The following UBAP1 variants were observed in gnomAD, a reference collection of about 807,000 sequenced individuals.
UBAP1 encodes the protein ubiquitin associated protein 1, also known as ubiquitin-associated protein 1.
In UBAP1, 5 loss-of-function variants were observed where a neutral mutation model predicts 39.0. The observed-to-expected ratio is 0.13, with a 90% CI of 0.07 to 0.27. The LOEUF (loss-of-function observed/expected upper bound fraction) is 0.27, where lower values mean the gene tolerates loss of function less well. Ranked by LOEUF, UBAP1 falls within the 10% of genes least tolerant of loss-of-function variation. UBAP1 has a pLI of 1.00. For missense variants in UBAP1, 490 were observed against 608.1 expected (o/e 0.81, Z 2.04); for synonymous variants, 211 against 225.1 (o/e 0.94, Z 0.56).
intron 3 of UBAP1, among the ~76,000 whole-genome samples, chr9:34,240,151 C>A (rs571697556): frequency 1.3e-5 from 2 of 152,258 alleles, no homozygotes; most frequent in South Asian, 4.1e-4. Flanking sequence ...CTGCTCTTTT[C>A]TCATTGTTCC....
intron 1 of UBAP1, among the ~76,000 whole-genome samples, chr9:34,180,507 CA>C (rs747564427): frequency 0.054 from 4,641 of 85,906 alleles, 192 homozygotes; most frequent in African/African-American, 0.17. Flanking sequence ...GACTCCGACT[CA>C]AAAAAAAAAA....
At chr9:34,246,810 G>A (rs145166467) in intron 4 of UBAP1, among the ~76,000 whole-genome samples, 2 of 152,282 alleles carry the variant, frequency 1.3e-5, no homozygotes, top group African/African-American at 4.8e-5. Context: ...TCAGAAGCTT[G>A]AGCACTAATA....
intron 1 of UBAP1, among the ~76,000 whole-genome samples, chr9:34,187,906 G>A (rs1004066436): frequency 6.6e-6 from 1 of 150,666 alleles, no homozygotes; most frequent in Non-Finnish European, 1.5e-5. Flanking sequence ...ATGACTTAAG[G>A]TATATGTATA....
Position 34,250,774 on chromosome 9 carries a change from G to C in UBAP1, c.1368+15G>C. The C allele has an allele frequency of 3.7e-6, 6 of 1,605,994 alleles. No homozygotes were observed. The highest frequency in any genetic ancestry group is 5.1e-6 in the Non-Finnish European group (6 of 1,173,026). ...CAGAAGAAAAGGTGGGAATCTTCAT[G>C]TTTCTTGGGAACCCTCTGGAAAAGG... On this transcript the variant is annotated intron_variant, in intron 6 of 6. Transcript: ENST00000297661.
At chr9:34,212,432 GTTA>G (rs1159890245) in intron 1 of UBAP1, among the ~76,000 whole-genome samples, 1 of 69,944 alleles carries the variant, frequency 1.4e-5, no homozygotes, top group Non-Finnish European at 3.8e-5. Context: ...CACACTTATA[GTTA>G]TTTTCTATTT....
At chr9:34,201,867 G>T (rs147186490) in intron 1 of UBAP1, among the ~76,000 whole-genome samples, 22 of 152,138 alleles carry the variant, frequency 1.4e-4, no homozygotes, top group African/African-American at 5.1e-4. Flanking sequence ...TCATGTCAGG[G>T]TTCCCTCGGT....
intron 1 of UBAP1, among the ~76,000 whole-genome samples, chr9:34,211,026 A>G (rs1452544245): frequency 6.6e-6 from 1 of 152,196 alleles, no homozygotes; most frequent in Non-Finnish European, 1.5e-5. Context: ...AAGAAAAAAA[A>G]TGGGATGATG....
In UBAP1 at chr9:34,226,139, GTGTGTGTGTGTGTGTGT is replaced by G. The variant is rs1833081981; in HGVS notation, c.34+5192_34+5208del. Among the ~76,000 whole-genome samples the G allele has an allele frequency of 2.2e-5, 3 of 135,108 alleles. No individual in the cohort carries two copies. The South Asian group carries it at 7.3e-4, about 33-fold the overall frequency. 88.6% of individuals were successfully genotyped at this position (135,108 alleles called of 152,430 possible). A position where few individuals can be genotyped will look rare whatever the true frequency, so the allele number is the denominator to read the frequency against. ...TGTGTGTGTGTGTGTGTGTGTGTGT[GTGTGTGTGTGTGTGTGT>G]GGTGGGCTGGAGGGATTGCTTGAGG... On this transcript the variant is annotated intron_variant, in intron 2 of 6. Coordinates refer to ENST00000297661, the MANE Select transcript of UBAP1 (RefSeq NM_016525.5).
chr9:34,242,082 T>C lies in UBAP1; in HGVS notation c.1057T>C (p.Ser353Pro), dbSNP rs1833988527. 1.9e-6 allele frequency: 3 copies of C among 1,605,764 alleles called. No homozygotes were observed. Among genetic ancestry groups the C allele is most frequent in the Non-Finnish European group, 2.6e-6 (3 of 1,173,140 alleles). Residue 353 changes from serine (S) to proline (P), a missense_variant, in exon 4 of 7, where the codon TCA becomes CCA. Coordinates refer to ENST00000297661, the MANE Select transcript of UBAP1 (RefSeq NM_016525.5). ...TGTTTTGTCTGTGTGCACAGAGGAA[T>C]CATCACCTCCAAATACTGGTCCCAC... ...LSVLSVCTEE[S>P]SPPNTGPTVT...
intron 1 of UBAP1, among the ~76,000 whole-genome samples, chr9:34,181,528 G>GC (rs1178705725): frequency 2.0e-5 from 3 of 151,350 alleles, no homozygotes; most frequent in Non-Finnish European, 4.4e-5. Context: ...TGCCTCCCGC[G>GC]TTCACGCCAT....
intron 6 of UBAP1, 83 bp downstream of exon 6, chr9:34,250,842 A>G: frequency 8.3e-7 from 1 of 1,204,524 alleles, no homozygotes; most frequent in East Asian, 2.4e-5. Flanking sequence ...TGGCCCACAC[A>G]CAACCTTTTT....
chr9:34,228,578 C>G lies in UBAP1; in HGVS notation c.35-5638C>G, dbSNP rs998132546. 7.5e-5 allele frequency among the ~76,000 whole-genome samples: 11 copies of G among 146,102 alleles called. No individual in the cohort carries two copies. The East Asian group carries it at 8.0e-4, about 11-fold the overall frequency. On this transcript the variant is annotated intron_variant, in intron 2 of 6. Transcript: ENST00000297661. ...TACTGCTTTCTTTGTTTCCCCCCCC[C>G]CCTTTTTTTTTTGGAGATGGAGTCT...
chr9:34,217,093 T>C (rs955604671), intron 1 of UBAP1, among the ~76,000 whole-genome samples: 4 of 152,112 alleles, frequency 2.6e-5, no homozygotes, highest in Admixed American at 2.6e-4. Flanking sequence ...GGGAAGGGTG[T>C]TTGCTATTTA....
intron 1 of UBAP1, among the ~76,000 whole-genome samples, chr9:34,183,706 A>T (rs1830217897): frequency 6.6e-6 from 1 of 151,592 alleles, no homozygotes; most frequent in South Asian, 2.1e-4. Flanking sequence ...ATGAAAATCC[A>T]TCCTCTTTTC....
chr9:34,215,445 A>G (rs1832252521), intron 1 of UBAP1, among the ~76,000 whole-genome samples: 1 of 151,180 alleles, frequency 6.6e-6, no homozygotes, highest in Non-Finnish European at 1.5e-5. Flanking sequence ...GGAAAACCAA[A>G]CATCTAATGT....
At chr9:34,211,916 G>A in intron 1 of UBAP1, 1 of 328,352 alleles carries the variant, frequency 3.0e-6, no homozygotes. Context: ...CATTTGAACT[G>A]AAGTGATACT....
chr9:34,202,661 G>GTGTGTGTGTGTGTGTGTGTGTGTGTA (rs1330298144), intron 1 of UBAP1, among the ~76,000 whole-genome samples: 1 of 146,768 alleles, frequency 6.8e-6, no homozygotes, highest in African/African-American at 2.5e-5. Flanking sequence ...GTGTGTGTGT[G>GTGTGTGTGTGTGTGTGTGTGTGTGTA]TGTGTGTGTG....
Position 34,251,674 on chromosome 9 carries a change from C to CT in UBAP1, c.*143dup. 1.1e-6 allele frequency: 1 copy of CT among 911,132 alleles called. No homozygotes were observed. Among genetic ancestry groups the CT allele is most frequent in the Non-Finnish European group, 1.6e-6 (1 of 621,254 alleles). 56.4% of individuals were successfully genotyped at this position (911,132 alleles called of 1,614,324 possible). On this transcript the variant is annotated 3_prime_UTR_variant, in exon 7 of 7. Transcript: ENST00000297661. ...TCAGGTGTGGAGACTGCTCGCCAGTCTCTGTGAGCCTAGGCCCTGAGCTGG... is the reference window on the plus strand; with the variant it reads ...TCAGGTGTGGAGACTGCTCGCCAGTCTTCTGTGAGCCTAGGCCCTGAGCTGG...
intron 1 of UBAP1, among the ~76,000 whole-genome samples, chr9:34,188,190 A>G (rs191654798): frequency 7.0e-6 from 1 of 143,522 alleles, no homozygotes; most frequent in Non-Finnish European, 1.5e-5. Context: ...CCACCAGATT[A>G]AAAATACAAC....
Sources: allele counts gnomAD v4.1 joint callset (sites outside exome capture counted in the v4.1 genomes callset), GRCh38; gene constraint gnomAD v4.1.1; transcripts MANE v1.5; gene names NCBI Gene and HGNC (gene_info 2026-07-23, HGNC 2026-07-21).